CDH18: variants seen among roughly 807,000 people sequenced by gnomAD.
CDH18 encodes cadherin-18.
In CDH18, 31 loss-of-function variants were observed where a neutral mutation model predicts 67.9. That is an observed-to-expected ratio of 0.46 (90% confidence interval 0.34 to 0.62). The LOEUF (loss-of-function observed/expected upper bound fraction) is 0.62, where lower values mean the gene tolerates loss of function less well. CDH18 is among the 20% of genes least tolerant of loss of function. The pLI is 0.01. For missense variants in CDH18, 890 were observed against 975.5 expected (o/e 0.91, Z 1.17); for synonymous variants, 362 against 347.2 (o/e 1.04, Z -0.48).
intron 2 of CDH18, among the ~76,000 whole-genome samples, chr5:20,004,515 T>C (rs544938814): frequency 6.6e-6 from 1 of 152,316 alleles, no homozygotes; most frequent in African/African-American, 2.4e-5. Context: ...ATTAATTAAC[T>C]TCATTTTTCA....
intron 3 of CDH18, among the ~76,000 whole-genome samples, chr5:19,801,105 C>A (rs971679846): frequency 2.6e-5 from 4 of 152,072 alleles, no homozygotes; most frequent in African/African-American, 9.7e-5. Flanking sequence ...AAATGACACT[C>A]CGTCTCAGAA....
chr5:19,675,921 C>T (rs929148861), intron 5 of CDH18, among the ~76,000 whole-genome samples: 6 of 151,876 alleles, frequency 4.0e-5, no homozygotes, highest in Admixed American at 6.6e-5. Context: ...AATTTATGTT[C>T]TTCTGACATG....
intron 2 of CDH18, among the ~76,000 whole-genome samples, chr5:19,924,499 G>A (rs750451224): frequency 2.6e-5 from 4 of 151,908 alleles, no homozygotes; most frequent in Non-Finnish European, 2.9e-5. Flanking sequence ...GGTGGCAGGC[G>A]CCTATAATCC....
At chr5:20,022,931 T>C (rs1209511695) in intron 2 of CDH18, among the ~76,000 whole-genome samples, 1 of 152,216 alleles carries the variant, frequency 6.6e-6, no homozygotes, top group East Asian at 1.9e-4. Flanking sequence ...GTAGTTAATA[T>C]GTTTACATGT....
intron 6 of CDH18, among the ~76,000 whole-genome samples, chr5:19,598,752 CAA>C (rs1240648335): frequency 6.6e-6 from 1 of 152,092 alleles, no homozygotes; most frequent in Non-Finnish European, 1.5e-5. Flanking sequence ...AAAAATTACT[CAA>C]GTTGGCTGTA....
chr5:20,297,280 C>T (rs557242701), intron 1 of CDH18, among the ~76,000 whole-genome samples: 2 of 152,244 alleles, frequency 1.3e-5, no homozygotes, highest in South Asian at 4.2e-4. Context: ...TAGCAGCCTC[C>T]CTCTGAACGA....
At chr5:19,714,328 T>A (rs937062062) in intron 5 of CDH18, among the ~76,000 whole-genome samples, 1 of 152,102 alleles carries the variant, frequency 6.6e-6, no homozygotes, top group East Asian at 1.9e-4. Context: ...AGAGTTATGA[T>A]ATGACAGGCA....
At chr5:19,916,721 A>AT (rs939471674) in intron 2 of CDH18, among the ~76,000 whole-genome samples, 5 of 151,936 alleles carry the variant, frequency 3.3e-5, no homozygotes, top group African/African-American at 4.8e-5. Flanking sequence ...ATTCTTACAA[A>AT]TTTTTTTTCT....
chr5:20,417,011 A>G (rs542487484), intron 1 of CDH18, among the ~76,000 whole-genome samples: 1 of 152,294 alleles, frequency 6.6e-6, no homozygotes, highest in African/African-American at 2.4e-5. Context: ...AACTTCATAT[A>G]TCAGCTTCCA....
intron 2 of CDH18, among the ~76,000 whole-genome samples, chr5:19,901,434 C>G (rs1238748503): frequency 2.0e-5 from 3 of 152,074 alleles, no homozygotes; most frequent in Non-Finnish European, 4.4e-5. Flanking sequence ...AATTTATCCA[C>G]TTACATTTGA....
chr5:20,442,362 C>T (rs971768985), intron 1 of CDH18, among the ~76,000 whole-genome samples: 2 of 151,912 alleles, frequency 1.3e-5, no homozygotes, highest in Non-Finnish European at 1.5e-5. Flanking sequence ...AAATAAACTA[C>T]TTATGTGACA....
At chr5:19,588,226 C>G (rs1290864694) in intron 7 of CDH18, among the ~76,000 whole-genome samples, 1 of 152,036 alleles carries the variant, frequency 6.6e-6, no homozygotes, top group East Asian at 1.9e-4. Flanking sequence ...GTTATGTCAT[C>G]TGCAAAGAAA....
chr5:20,397,245 C>T (rs868867065), intron 1 of CDH18, among the ~76,000 whole-genome samples: 2 of 152,088 alleles, frequency 1.3e-5, no homozygotes, highest in Non-Finnish European at 2.9e-5. Flanking sequence ...ATTCTCCTGC[C>T]TCAGCCTCCC....
At chr5:20,424,010 G>C (rs1748080713) in intron 1 of CDH18, among the ~76,000 whole-genome samples, 1 of 141,044 alleles carries the variant, frequency 7.1e-6, no homozygotes, top group African/African-American at 2.8e-5. Context: ...AAACATGAAA[G>C]TCAGTAAAGA....
intron 2 of CDH18, among the ~76,000 whole-genome samples, chr5:19,910,589 G>A: frequency 6.6e-6 from 1 of 152,006 alleles, no homozygotes; most frequent in East Asian, 1.9e-4. Context: ...AAGATTTATA[G>A]GCACTATGGG....
At chr5:20,465,976 C>T (rs548041055) in intron 1 of CDH18, among the ~76,000 whole-genome samples, 252 of 152,088 alleles carry the variant, frequency 1.7e-3, no homozygotes, top group Non-Finnish European at 2.8e-3. Flanking sequence ...TTTTGTTCTG[C>T]TCTTTAAATT....
At chr5:20,375,856 A>C (rs2150091504) in intron 1 of CDH18, among the ~76,000 whole-genome samples, 1 of 152,202 alleles carries the variant, frequency 6.6e-6, no homozygotes, top group African/African-American at 2.4e-5. Context: ...GACTGGGAAG[A>C]AAAATTACCT....
chr5:19,867,450 A>G (rs967673353), intron 2 of CDH18, among the ~76,000 whole-genome samples: 12 of 152,212 alleles, frequency 7.9e-5, no homozygotes, highest in African/African-American at 2.2e-4. Flanking sequence ...CTATTTACCC[A>G]TCTATATTTT....
At chr5:20,369,352 C>A (rs768523176) in intron 1 of CDH18, among the ~76,000 whole-genome samples, 2 of 152,060 alleles carry the variant, frequency 1.3e-5, no homozygotes, top group African/African-American at 2.4e-5. Flanking sequence ...TTGCAACCTG[C>A]AAAAAGAAAC....
Sources: allele counts gnomAD v4.1 joint callset (sites outside exome capture counted in the v4.1 genomes callset), GRCh38; gene constraint gnomAD v4.1.1; transcripts MANE v1.5; gene names NCBI Gene and HGNC (gene_info 2026-07-23, HGNC 2026-07-21).